RPS6KA5: variants seen among roughly 807,000 people sequenced by gnomAD.
RPS6KA5 encodes the protein ribosomal protein S6 kinase alpha-5.
A neutral mutation model predicts 85.5 loss-of-function variants in RPS6KA5; 27 were observed. That is an observed-to-expected ratio of 0.32 (90% CI 0.23 to 0.44). The LOEUF is 0.44. RPS6KA5 is among the 20% of genes least tolerant of loss of function. The pLI, the probability that RPS6KA5 is intolerant of heterozygous loss-of-function variation, is 1.00. For missense variants in RPS6KA5, 811 were observed against 980.9 expected, an observed-to-expected ratio of 0.83 and a Z score of 2.31; for synonymous variants, 334 against 348.2, an observed-to-expected ratio of 0.96 and a Z score of 0.46.
chr14:90,896,913 G>A (rs1255494342), intron 12 of RPS6KA5, among the ~76,000 whole-genome samples: 1 of 151,966 alleles, frequency 6.6e-6, no homozygotes, highest in Admixed American at 6.6e-5. Flanking sequence ...GGTAGAGATA[G>A]GGTCTCACCA....
At chr14:91,031,503 C>A (rs775181488) in intron 1 of RPS6KA5, among the ~76,000 whole-genome samples, 4 of 152,012 alleles carry the variant, frequency 2.6e-5, no homozygotes, top group Non-Finnish European at 5.9e-5. Context: ...AGAAAGAAAC[C>A]AATCCAGAAT....
chr14:90,972,159 T>C (rs2039348644), intron 3 of RPS6KA5, among the ~76,000 whole-genome samples: 1 of 152,204 alleles, frequency 6.6e-6, no homozygotes, highest in South Asian at 2.1e-4. Context: ...ACCAATATCA[T>C]AAAAATGTCA....
chr14:90,970,959 AG>A (rs2039292506), intron 3 of RPS6KA5, among the ~76,000 whole-genome samples: 1 of 151,970 alleles, frequency 6.6e-6, no homozygotes, highest in South Asian at 2.1e-4. Flanking sequence ...ACTTTAAAGC[AG>A]GGGTCAACAA....
At chr14:90,974,964 T>C (rs926080389) in intron 3 of RPS6KA5, among the ~76,000 whole-genome samples, 9 of 152,188 alleles carry the variant, frequency 5.9e-5, no homozygotes, top group Non-Finnish European at 1.2e-4. Flanking sequence ...CGGAAAGATC[T>C]GCTTACAAAT....
At position 90,857,749 on chromosome 14, in the gene RPS6KA5, G is replaced by A. The variant is rs1281289735; in HGVS notation, c.*14325C>T. Reference sequence around the variant, plus strand: ...TTTCTCACTCCCAACCCCCACACAAGAAAAGTCTATTTTAATTACCACAAG... The same window carrying A: ...TTTCTCACTCCCAACCCCCACACAAAAAAAGTCTATTTTAATTACCACAAG... On this transcript the variant is annotated 3_prime_UTR_variant, in exon 17 of 17. Transcript: ENST00000614987. 6.6e-6 allele frequency: 1 copy of A among 152,114 alleles called. No homozygotes were observed. The highest frequency in any genetic ancestry group is 1.5e-5 in the Non-Finnish European group (1 of 68,006). The allele number at this position is 152,114 out of a possible 1,614,324, so 9.4% of individuals were successfully genotyped here. A position where few individuals can be genotyped will look rare whatever the true frequency, so the allele number is the denominator to read the frequency against.
intron 3 of RPS6KA5, among the ~76,000 whole-genome samples, chr14:90,965,514 T>A (rs1377093554): frequency 6.6e-6 from 1 of 152,114 alleles, no homozygotes; most frequent in Non-Finnish European, 1.5e-5. Context: ...GACCTGATCA[T>A]CTCAGACAGA....
intron 1 of RPS6KA5, among the ~76,000 whole-genome samples, chr14:91,016,241 T>G (rs1696841528): frequency 6.6e-6 from 1 of 151,328 alleles, no homozygotes; most frequent in Non-Finnish European, 1.5e-5. Flanking sequence ...GTAAACTAAT[T>G]TTTTTTTTCT....
intron 12 of RPS6KA5, among the ~76,000 whole-genome samples, chr14:90,895,476 T>C (rs1315268550): frequency 1.3e-5 from 2 of 152,198 alleles, no homozygotes; most frequent in African/African-American, 4.8e-5. Flanking sequence ...TCACTATGGG[T>C]TTTTGCTTTA....
intron 5 of RPS6KA5, among the ~76,000 whole-genome samples, chr14:90,932,267 G>T (rs2037024330): frequency 6.6e-6 from 1 of 152,062 alleles, no homozygotes; most frequent in Non-Finnish European, 1.5e-5. Context: ...AGGAATACAG[G>T]CACGTGCCAC....
chr14:91,017,505 C>T (rs777309861), intron 1 of RPS6KA5, among the ~76,000 whole-genome samples: 1 of 152,222 alleles, frequency 6.6e-6, no homozygotes, highest in Non-Finnish European at 1.5e-5. Context: ...CATCCTGAAG[C>T]AGGTGGCTTG....
At chr14:90,880,795 T>TA (rs2033785699) in intron 14 of RPS6KA5, among the ~76,000 whole-genome samples, 1 of 152,080 alleles carries the variant, frequency 6.6e-6, no homozygotes, top group Admixed American at 6.6e-5. Context: ...TTTATTAATA[T>TA]ATGAGGACCC....
At chr14:91,044,240 GGA>G (rs2042715081) in intron 1 of RPS6KA5, among the ~76,000 whole-genome samples, 1 of 143,076 alleles carries the variant, frequency 7.0e-6, no homozygotes, top group Non-Finnish European at 1.5e-5. Context: ...AAGAGATGGG[GGA>G]GAGAGGGGGA....
Position 90,902,800 on chromosome 14 carries a change from G to A in RPS6KA5, c.1119+8C>T. On this transcript the variant is annotated splice_region_variant and intron_variant, in intron 9 of 16. Coordinates refer to ENST00000614987, the MANE Select transcript of RPS6KA5 (RefSeq NM_004755.4). ...GCCAATGTGCATGTGCACAGGATGG[G>A]AAATTACCTGAAACAGCTTCTCAGA... 6.2e-7 allele frequency: 1 copy of A among 1,613,298 alleles called. No homozygotes were observed. The highest frequency in any genetic ancestry group is 8.5e-7 in the Non-Finnish European group (1 of 1,179,514).
intron 5 of RPS6KA5, among the ~76,000 whole-genome samples, chr14:90,930,389 C>G (rs1377211171): frequency 1.3e-5 from 2 of 152,100 alleles, no homozygotes; most frequent in African/African-American, 2.4e-5. Flanking sequence ...TAAAATATTT[C>G]CACCTGATTT....
At chr14:91,018,811 T>A (rs2041614520) in intron 1 of RPS6KA5, among the ~76,000 whole-genome samples, 1 of 152,096 alleles carries the variant, frequency 6.6e-6, no homozygotes, top group Non-Finnish European at 1.5e-5. Context: ...GGACTTCACC[T>A]TGTGATTGTG....
intron 7 of RPS6KA5, among the ~76,000 whole-genome samples, chr14:90,917,840 G>A (rs1245828524): frequency 6.6e-6 from 1 of 152,066 alleles, no homozygotes; most frequent in African/African-American, 2.4e-5. Flanking sequence ...GTGACTACAG[G>A]TGCACTACTG....
intron 14 of RPS6KA5, among the ~76,000 whole-genome samples, chr14:90,879,738 T>C (rs1443025577): frequency 6.6e-6 from 1 of 152,060 alleles, no homozygotes; most frequent in African/African-American, 2.4e-5. Flanking sequence ...CAGGTTTCGC[T>C]TTCCGGGGAA....
chr14:91,024,023 CAT>C (rs1407125982), intron 1 of RPS6KA5, among the ~76,000 whole-genome samples: 3 of 152,194 alleles, frequency 2.0e-5, no homozygotes, highest in Non-Finnish European at 2.9e-5. Context: ...TCCAGTTCTA[CAT>C]GTTACATTTT....
At chr14:91,022,894 AG>A (rs1366819022) in intron 1 of RPS6KA5, among the ~76,000 whole-genome samples, 6 of 151,970 alleles carry the variant, frequency 3.9e-5, no homozygotes, top group African/African-American at 1.4e-4. Context: ...AGACCAGCTT[AG>A]CCAGCATGGT....
Sources: gnomAD v4.1 joint callset for allele counts (sites outside exome capture counted in the v4.1 genomes callset) on GRCh38, gnomAD v4.1.1 for gene constraint, MANE v1.5 for transcripts, NCBI Gene and HGNC (gene_info 2026-07-23, HGNC 2026-07-21) for gene names.